FRMPD4: variants seen among roughly 807,000 people sequenced by gnomAD.
The protein encoded by FRMPD4 is FERM and PDZ domain-containing protein 4.
Under a neutral mutation model 94.1 loss-of-function variants are expected in FRMPD4, and 22 were observed. That is an observed-to-expected ratio of 0.23 (90% CI 0.17 to 0.33). FRMPD4 has a LOEUF of 0.33. FRMPD4 is among the 10% of genes least tolerant of loss of function. The pLI is 1.00. For synonymous variants in FRMPD4, 631 were observed against 548.6 expected, an observed-to-expected ratio of 1.15 and a Z score of -2.10; for missense variants, 1,111 against 1,339.9, an observed-to-expected ratio of 0.83 and a Z score of 2.67.
chrX:12,472,634 G>T (rs1182530272), intron 1 of FRMPD4, among the ~76,000 whole-genome samples: 1 of 112,072 alleles, frequency 8.9e-6, no homozygotes, highest in Non-Finnish European at 1.9e-5. Flanking sequence ...TGATGGAGCG[G>T]AAAACCATGG....
At chrX:11,895,812 A>G (rs889784018) in intron 3 of FRMPD4, among the ~76,000 whole-genome samples, 2 of 112,136 alleles carry the variant, frequency 1.8e-5, no homozygotes, top group African/African-American at 6.5e-5. Flanking sequence ...TCTACCTCAC[A>G]TAAGTTGTTT....
intron 2 of FRMPD4, among the ~76,000 whole-genome samples, chrX:12,522,594 C>CTTTTTTTTTTTTTTT: frequency 1.3e-5 from 1 of 74,548 alleles, no homozygotes; most frequent in Non-Finnish European, 2.4e-5. Context: ...TTTTCTTTTC[C>CTTTTTTTTTTTTTTT]TTTTTTTTTT....
intron 15 of FRMPD4, 57 bp from the exon 16 acceptor site, chrX:12,717,444 G>A (rs1326105650): frequency 3.2e-5 from 25 of 784,284 alleles, no homozygotes; most frequent in Middle Eastern, 3.4e-4. Flanking sequence ...TTTCTTACAT[G>A]TCTCCAAGTG....
At chrX:12,111,724 G>T (rs1255743381) in intron 3 of FRMPD4, among the ~76,000 whole-genome samples, 5 of 111,371 alleles carry the variant, frequency 4.5e-5, no homozygotes, top group Admixed American at 1.9e-4. Context: ...AAATTTACAA[G>T]AAAAAAACAA....
chrX:12,191,189 A>G (rs146753115), intron 1 of FRMPD4, among the ~76,000 whole-genome samples: 282 of 112,158 alleles, frequency 2.5e-3, no homozygotes, highest in Middle Eastern at 0.023. Flanking sequence ...TAAAACAACA[A>G]TGAGATACCA....
At chrX:12,280,247 A>AAATAATAAT (rs374670611) in intron 1 of FRMPD4, among the ~76,000 whole-genome samples, 1,139 of 102,194 alleles carry the variant, frequency 0.011, 10 homozygotes, top group African/African-American at 0.02. Flanking sequence ...GGCTGCTTTA[A>AAATAATAAT]AATAATAATA....
chrX:12,332,733 T>C (rs778651704), intron 1 of FRMPD4, among the ~76,000 whole-genome samples: 21 of 111,605 alleles, frequency 1.9e-4, no homozygotes, highest in African/African-American at 6.2e-4. Context: ...TTTTGAAAAA[T>C]AGAATTTTTA....
intron 1 of FRMPD4, among the ~76,000 whole-genome samples, chrX:12,207,659 A>T (rs2056708690): frequency 1.9e-5 from 2 of 107,636 alleles, no homozygotes; most frequent in Admixed American, 1.0e-4. Context: ...TGGCACACTG[A>T]GATAGAGCTC....
intron 1 of FRMPD4, among the ~76,000 whole-genome samples, chrX:12,373,571 T>C (rs1431369388): frequency 8.9e-6 from 1 of 112,065 alleles, no homozygotes; most frequent in African/African-American, 3.2e-5. Flanking sequence ...ACACCTTTTG[T>C]GTTAAGCCCA....
intron 1 of FRMPD4, among the ~76,000 whole-genome samples, chrX:12,256,588 A>G (rs757341139): frequency 8.9e-6 from 1 of 112,035 alleles, no homozygotes; most frequent in East Asian, 2.8e-4. Context: ...AAACAGTAAT[A>G]GTCAGGCCTG....
chrX:11,905,566 A>G (rs1423841905), intron 3 of FRMPD4, among the ~76,000 whole-genome samples: 1 of 111,854 alleles, frequency 8.9e-6, no homozygotes, highest in Non-Finnish European at 1.9e-5. Context: ...CTTTGTAGAA[A>G]CAAGCATAGC....
rs148282903 is a variant in FRMPD4, at chrX:12,353,794, T to C, written c.42-144886T>C. On this transcript the variant is annotated intron_variant, in intron 1 of 16. Transcript: ENST00000675598. ...ATTGTATAGACGACTAACAATTCTT[T>C]GTGACAGAACATTACAATTAGTTGT... Among the ~76,000 whole-genome samples the C allele has an allele frequency of 2.0e-4, 23 of 112,416 alleles. No homozygotes were observed. In the East Asian group the frequency reaches 5.9e-3, roughly 29 times the overall value.
chrX:12,586,319 C>T (rs10217843), intron 2 of FRMPD4, among the ~76,000 whole-genome samples: 4,086 of 112,876 alleles, frequency 0.036, 169 homozygotes, highest in African/African-American at 0.12. Context: ...TCAGCCACTC[C>T]TAAAGCTTGT....
intron 1 of FRMPD4, among the ~76,000 whole-genome samples, chrX:12,468,326 T>C (rs1460635149): frequency 8.9e-6 from 1 of 112,206 alleles, no homozygotes; most frequent in Non-Finnish European, 1.9e-5. Flanking sequence ...TATGGTTTTA[T>C]AAGGGAAGTA....
chrX:12,104,644 CTCTT>C (rs1489018886), intron 3 of FRMPD4, among the ~76,000 whole-genome samples: 3 of 112,365 alleles, frequency 2.7e-5, no homozygotes, highest in African/African-American at 6.5e-5. Context: ...ACATACCCTT[CTCTT>C]TGTTTTTGTC....
intron 3 of FRMPD4, among the ~76,000 whole-genome samples, chrX:12,015,600 A>C (rs750312411): frequency 8.9e-6 from 1 of 112,504 alleles, no homozygotes; most frequent in South Asian, 3.7e-4. Context: ...TTTTCCATGT[A>C]AAATCTACAT....
chrX:12,653,340 C>T (rs999430105), intron 4 of FRMPD4, among the ~76,000 whole-genome samples: 4 of 112,474 alleles, frequency 3.6e-5, no homozygotes, highest in African/African-American at 9.7e-5. Flanking sequence ...TGCTGGAAAC[C>T]ATGGAAGTTC....
chrX:11,965,093 C>A (rs921510729), intron 3 of FRMPD4, among the ~76,000 whole-genome samples: 1 of 112,601 alleles, frequency 8.9e-6, no homozygotes, highest in Admixed American at 9.4e-5. Context: ...ATTGTAAGGT[C>A]ACCTGATTAG....
chrX:11,986,367 C>A (rs542912078), intron 3 of FRMPD4, among the ~76,000 whole-genome samples: 4 of 112,086 alleles, frequency 3.6e-5, no homozygotes, highest in East Asian at 2.8e-4. Context: ...TGAAAAATTT[C>A]TTGAAACAAA....
Sources: gnomAD v4.1 joint callset for allele counts (sites outside exome capture counted in the v4.1 genomes callset) on GRCh38, gnomAD v4.1.1 for gene constraint, MANE v1.5 for transcripts, NCBI Gene and HGNC (gene_info 2026-07-23, HGNC 2026-07-21) for gene names.